The following SCFD2 variants were observed in gnomAD, a reference collection of about 807,000 sequenced individuals.
SCFD2 encodes sec1 family domain-containing protein 2.
A neutral mutation model predicts 58.9 loss-of-function variants in SCFD2; 54 were observed. The observed-to-expected ratio is 0.92, with a 90% confidence interval of 0.74 to 1.15. SCFD2 has a LOEUF of 1.15. Among genes scored for constraint, SCFD2 ranks in the 50% most tolerant of loss-of-function variants. The pLI is 0.00. For missense variants in SCFD2, 805 were observed against 836.6 expected (o/e 0.96, Z 0.47); for synonymous variants, 321 against 335.9 (o/e 0.96, Z 0.49).
intron 4 of SCFD2, among the ~76,000 whole-genome samples, chr4:53,221,692 G>T (rs1210201775): frequency 6.6e-6 from 1 of 152,166 alleles, no homozygotes; most frequent in Non-Finnish European, 1.5e-5. Context: ...GGCTACTGTA[G>T]TAGAAAAGAA....
intron 6 of SCFD2, among the ~76,000 whole-genome samples, chr4:52,917,370 A>ACCCCGATG (rs1291725462): frequency 6.6e-6 from 1 of 152,090 alleles, no homozygotes; most frequent in Non-Finnish European, 1.5e-5. Context: ...TGGGCTATGA[A>ACCCCGATG]CCCCGATGCT....
At chr4:53,330,186 G>A (rs1395044973) in intron 2 of SCFD2, among the ~76,000 whole-genome samples, 1 of 152,204 alleles carries the variant, frequency 6.6e-6, no homozygotes, top group East Asian at 1.9e-4. Flanking sequence ...ATATTATCCA[G>A]GAGAACTTCC....
chr4:52,924,945 T>C (rs1719828575), intron 5 of SCFD2, among the ~76,000 whole-genome samples: 2 of 152,186 alleles, frequency 1.3e-5, no homozygotes, highest in African/African-American at 4.8e-5. Flanking sequence ...ATACAAAAGC[T>C]GTTAAATGGG....
At chr4:53,305,580 T>C (rs1368588413) in intron 3 of SCFD2, among the ~76,000 whole-genome samples, 1 of 152,208 alleles carries the variant, frequency 6.6e-6, no homozygotes, top group Non-Finnish European at 1.5e-5. Flanking sequence ...TACCTTATTT[T>C]GTTTTAGAAA....
At chr4:53,274,082 T>A in intron 3 of SCFD2, 81 bp from the exon 4 acceptor site, 2 of 1,214,062 alleles carry the variant, frequency 1.6e-6, no homozygotes, top group Non-Finnish European at 2.3e-6. Context: ...ATAATACCAC[T>A]GTCTTGTATT....
chr4:53,203,026 C>T (rs1182039868), intron 4 of SCFD2, among the ~76,000 whole-genome samples: 1 of 152,162 alleles, frequency 6.6e-6, no homozygotes, highest in Non-Finnish European at 1.5e-5. Context: ...ATTTCCTTCT[C>T]CTGCCTGATT....
At chr4:53,361,391 A>G (rs576398604) in intron 1 of SCFD2, among the ~76,000 whole-genome samples, 1 of 152,272 alleles carries the variant, frequency 6.6e-6, no homozygotes, top group Non-Finnish European at 1.5e-5. Context: ...TAAAAGTGGG[A>G]TTTTTATTTT....
intron 5 of SCFD2, among the ~76,000 whole-genome samples, chr4:53,047,548 A>T (rs1468333403): frequency 2.6e-5 from 4 of 152,196 alleles, no homozygotes; most frequent in Non-Finnish European, 5.9e-5. Context: ...GTTCCTCATG[A>T]TATCTTCCTC....
At chr4:52,919,349 A>G (rs1017686403) in intron 6 of SCFD2, among the ~76,000 whole-genome samples, 1 of 152,192 alleles carries the variant, frequency 6.6e-6, no homozygotes, top group Non-Finnish European at 1.5e-5. Flanking sequence ...ACTAGTCCAC[A>G]TTATAGTATT....
At chr4:53,301,581 A>C (rs1004068714) in intron 3 of SCFD2, among the ~76,000 whole-genome samples, 8 of 152,196 alleles carry the variant, frequency 5.3e-5, no homozygotes, top group African/African-American at 1.9e-4. Context: ...AAAAGAGGGA[A>C]TCCTCCCTAA....
At chr4:53,354,291 G>A (rs1471565489) in intron 1 of SCFD2, among the ~76,000 whole-genome samples, 1 of 152,214 alleles carries the variant, frequency 6.6e-6, no homozygotes, top group Non-Finnish European at 1.5e-5. Context: ...TGGGAGTGCT[G>A]GGGGACCCAG....
intron 5 of SCFD2, among the ~76,000 whole-genome samples, chr4:52,987,082 T>C (rs893844812): frequency 3.3e-5 from 5 of 152,092 alleles, no homozygotes; most frequent in South Asian, 2.1e-4. Context: ...CAGGCTGGAG[T>C]GCAGTGGTGC....
intron 5 of SCFD2, among the ~76,000 whole-genome samples, chr4:53,065,526 T>C (rs1448401869): frequency 3.3e-5 from 5 of 152,102 alleles, no homozygotes; most frequent in African/African-American, 4.8e-5. Context: ...GAATTTGTTA[T>C]TTTTCTTAAA....
At position 52,971,578 on chromosome 4, in the gene SCFD2, T is replaced by C. The variant is rs569371784; in HGVS notation, c.1562-50708A>G. 7.2e-3 allele frequency among the ~76,000 whole-genome samples: 1,091 copies of C among 152,262 alleles called. 15 individuals are homozygous for C. Among genetic ancestry groups the C allele is most frequent in the African/African-American group, 0.025 (1,048 of 41,538 alleles). ...AAGTGACAGGGAGAATGGAACCAAG[T>C]TGGAAAACACTCTGCAGGATATTAT... On this transcript the variant is annotated intron_variant, in intron 5 of 8. Transcript: ENST00000401642.
At chr4:53,153,218 T>C (rs940858981) in intron 4 of SCFD2, among the ~76,000 whole-genome samples, 10 of 152,206 alleles carry the variant, frequency 6.6e-5, no homozygotes, top group Admixed American at 6.5e-4. Flanking sequence ...GTAGAGTCTC[T>C]CTGCAGGGGC....
At chr4:53,199,620 AG>A (rs1175910728) in intron 4 of SCFD2, among the ~76,000 whole-genome samples, 1 of 152,028 alleles carries the variant, frequency 6.6e-6, no homozygotes, top group Non-Finnish European at 1.5e-5. Context: ...AGAGGGTTGA[AG>A]GGGGTGGGAC....
intron 7 of SCFD2, among the ~76,000 whole-genome samples, chr4:52,887,521 G>C (rs116397537): frequency 0.015 from 2,324 of 152,262 alleles, 68 homozygotes; most frequent in African/African-American, 0.052. Flanking sequence ...TTGGTTTGAT[G>C]GAGTGGGCAG....
At chr4:53,241,513 T>G (rs1729892146) in intron 4 of SCFD2, among the ~76,000 whole-genome samples, 1 of 152,266 alleles carries the variant, frequency 6.6e-6, no homozygotes, top group Admixed American at 6.5e-5. Flanking sequence ...CCTGTGCTGG[T>G]GGACCATACC....
intron 5 of SCFD2, among the ~76,000 whole-genome samples, chr4:53,090,941 C>T (rs1198972143): frequency 6.6e-6 from 1 of 152,108 alleles, no homozygotes; most frequent in East Asian, 1.9e-4. Flanking sequence ...TGATAACAAA[C>T]ACAGGTCTGC....
Sources: gnomAD v4.1 joint callset for allele counts (sites outside exome capture counted in the v4.1 genomes callset) on GRCh38, gnomAD v4.1.1 for gene constraint, MANE v1.5 for transcripts, NCBI Gene and HGNC (gene_info 2026-07-23, HGNC 2026-07-21) for gene names.